The following GALNTL6 variants were observed in gnomAD, a reference collection of about 807,000 sequenced individuals.
The protein encoded by GALNTL6 is polypeptide N-acetylgalactosaminyltransferase like 6, also known as polypeptide N-acetylgalactosaminyltransferase-like 6.
In GALNTL6, 46 loss-of-function variants were observed where a neutral mutation model predicts 73.7. The ratio of observed to expected loss-of-function variants is 0.62; its 90% CI spans 0.49 to 0.80. GALNTL6 has a LOEUF of 0.80. GALNTL6 is among the 30% of genes least tolerant of loss of function. The pLI, the probability that GALNTL6 is intolerant of heterozygous loss-of-function variation, is 0.00. For synonymous variants in GALNTL6, 259 were observed against 263.7 expected (o/e 0.98, Z 0.17); for missense variants, 604 against 755.0 (o/e 0.80, Z 2.34).
intron 7 of GALNTL6, among the ~76,000 whole-genome samples, chr4:172,856,167 A>C (rs1376071483): frequency 6.6e-6 from 1 of 152,210 alleles, no homozygotes; most frequent in African/African-American, 2.4e-5. Context: ...CTGATTCTTA[A>C]ATAAATGATG....
rs185125546 is a variant in GALNTL6 at position 172,623,552 on chromosome 4, G to A, written c.554-185809G>A. ...TCAATCAGAACACCAAATTACATAA[G>A]GTACCTACTAAAAAGAACCAAGTTA... is the stretch of plus-strand genomic sequence containing the variant. On this transcript the variant is annotated intron_variant, in intron 5 of 12. Coordinates refer to ENST00000506823, the MANE Select transcript of GALNTL6 (RefSeq NM_001034845.3). Among the ~76,000 whole-genome samples, 5 of 152,022 alleles carry A rather than the reference G, an allele frequency of 3.3e-5. No homozygotes were observed. The East Asian group carries it at 9.6e-4, about 29-fold the overall frequency.
chr4:172,848,222 C>T (rs1480005641), intron 7 of GALNTL6, among the ~76,000 whole-genome samples: 1 of 152,116 alleles, frequency 6.6e-6, no homozygotes, highest in Non-Finnish European at 1.5e-5. Flanking sequence ...AGAAGAAATA[C>T]TACTTCACTG....
intron 2 of GALNTL6, among the ~76,000 whole-genome samples, chr4:172,087,111 G>A (rs1356119268): frequency 2.0e-5 from 3 of 152,044 alleles, no homozygotes; most frequent in Non-Finnish European, 2.9e-5. Flanking sequence ...CAACCAAGGT[G>A]GCTCTCTCAA....
chr4:172,374,850 G>A (rs1320002509), intron 5 of GALNTL6, among the ~76,000 whole-genome samples: 1 of 152,142 alleles, frequency 6.6e-6, no homozygotes, highest in African/African-American at 2.4e-5. Context: ...CTCCAAGCGA[G>A]GTTGAAGGTT....
At chr4:172,136,337 A>G (rs1733636352) in intron 2 of GALNTL6, among the ~76,000 whole-genome samples, 1 of 152,148 alleles carries the variant, frequency 6.6e-6, no homozygotes, top group African/African-American at 2.4e-5. Flanking sequence ...ACCTTAAGTG[A>G]TTTATCTTTT....
rs41449745 is a variant in GALNTL6 at position 172,131,711 on chromosome 4, T to C, written c.139-97945T>C. ...TAATTTATATTTAGCTGTAGATTCT[T>C]TGGGTGTGTTTTCTTACAGAGTAGA... On this transcript the variant is annotated intron_variant, in intron 2 of 12. Transcript: ENST00000506823. Among the ~76,000 whole-genome samples, 789 of 151,888 alleles carry C rather than the reference T, an allele frequency of 5.2e-3. 11 individuals are homozygous for C. The highest frequency in any genetic ancestry group is 0.018 in the African/African-American group (751 of 41,446).
chr4:172,667,996 T>A (rs1731763441), intron 5 of GALNTL6: 1 of 152,212 alleles, frequency 6.6e-6, no homozygotes, highest in Non-Finnish European at 1.5e-5. Context: ...GGGATCTACT[T>A]ATGATAGCCT....
At chr4:172,932,231 C>G (rs1748378220) in intron 9 of GALNTL6, among the ~76,000 whole-genome samples, 1 of 152,148 alleles carries the variant, frequency 6.6e-6, no homozygotes, top group Non-Finnish European at 1.5e-5. Context: ...GAGCTTTGGT[C>G]TGTGTTAGTT....
chr4:171,993,003 C>T (rs1740383243), intron 2 of GALNTL6, among the ~76,000 whole-genome samples: 1 of 151,302 alleles, frequency 6.6e-6, no homozygotes, highest in Non-Finnish European at 1.5e-5. Context: ...TGCTCTGACT[C>T]ATTGCAGTTT....
At chr4:172,873,258 C>T (rs1413412833) in intron 7 of GALNTL6, among the ~76,000 whole-genome samples, 1 of 152,204 alleles carries the variant, frequency 6.6e-6, no homozygotes, top group Non-Finnish European at 1.5e-5. Flanking sequence ...CCAATCAAAG[C>T]CATGCTACTT....
At chr4:171,814,333 G>A in intron 1 of GALNTL6, 79 bp from the exon 2 acceptor site, 1 of 559,134 alleles carries the variant, frequency 1.8e-6, no homozygotes, top group Non-Finnish European at 3.2e-6. Context: ...CTTTAGTCAA[G>A]TCATTTATTT....
intron 5 of GALNTL6, among the ~76,000 whole-genome samples, chr4:172,464,907 A>G (rs1249913523): frequency 1.3e-5 from 2 of 152,118 alleles, no homozygotes; most frequent in Non-Finnish European, 2.9e-5. Flanking sequence ...CTGTCATAAA[A>G]TTTTACATTT....
intron 10 of GALNTL6, among the ~76,000 whole-genome samples, chr4:172,954,545 CA>C (rs1749617519): frequency 6.6e-6 from 1 of 152,168 alleles, no homozygotes; most frequent in Non-Finnish European, 1.5e-5. Context: ...TGGCTCACTG[CA>C]GCCTCAAACT....
chr4:171,962,314 G>A (rs1579010459), intron 2 of GALNTL6, among the ~76,000 whole-genome samples: 2 of 152,280 alleles, frequency 1.3e-5, no homozygotes, highest in East Asian at 1.9e-4. Context: ...TGCATTCCCA[G>A]GAGGTTAGGC....
intron 2 of GALNTL6, among the ~76,000 whole-genome samples, chr4:171,974,028 C>T (rs909688641): frequency 6.6e-6 from 1 of 151,964 alleles, no homozygotes; most frequent in Non-Finnish European, 1.5e-5. Context: ...TTGAAAGAGT[C>T]TTGCTCTGTC....
At chr4:172,567,062 C>T (rs920688496) in intron 5 of GALNTL6, among the ~76,000 whole-genome samples, 1 of 151,442 alleles carries the variant, frequency 6.6e-6, no homozygotes, top group Non-Finnish European at 1.5e-5. Context: ...TAATACAGAA[C>T]TTTTTCATAC....
At chr4:172,211,421 C>A (rs575351088) in intron 2 of GALNTL6, among the ~76,000 whole-genome samples, 2 of 152,174 alleles carry the variant, frequency 1.3e-5, no homozygotes, top group Admixed American at 1.3e-4. Flanking sequence ...ACTTAGGTCT[C>A]TAACTCTAGT....
intron 2 of GALNTL6, among the ~76,000 whole-genome samples, chr4:172,145,497 G>A (rs923089007): frequency 2.0e-5 from 3 of 151,864 alleles, no homozygotes; most frequent in East Asian, 3.9e-4. Context: ...CATTCACCTC[G>A]GCCTCCCAAA....
At position 172,568,668 on chromosome 4, in the gene GALNTL6, G is replaced by C. The variant is rs942603689; in HGVS notation, c.553+219979G>C. 3.5e-5 allele frequency among the ~76,000 whole-genome samples: 5 copies of C among 144,182 alleles called. No individual in the cohort carries two copies. In the Admixed American group the frequency reaches 3.7e-4, roughly 11 times the overall value. The allele number at this position is 144,182 out of a possible 152,430, so 94.6% of individuals were successfully genotyped here. ...AGCTACTCGGGAGGCTGAGGCAGGA[G>C]AATGGCGTGAACCCGGGAGGCGGAG... On this transcript the variant is annotated intron_variant, in intron 5 of 12. Coordinates refer to ENST00000506823, the MANE Select transcript of GALNTL6 (RefSeq NM_001034845.3).
Sources: allele counts gnomAD v4.1 joint callset (sites outside exome capture counted in the v4.1 genomes callset), GRCh38; gene constraint gnomAD v4.1.1; transcripts MANE v1.5; gene names NCBI Gene and HGNC (gene_info 2026-07-23, HGNC 2026-07-21).